PGGT1B: variants seen among roughly 807,000 people sequenced by gnomAD.
PGGT1B encodes the protein geranylgeranyl transferase type-1 subunit beta.
In PGGT1B, 30 loss-of-function variants were observed where a neutral mutation model predicts 46.1. That is an observed-to-expected ratio of 0.65 (90% CI 0.49 to 0.88). The LOEUF is 0.88. PGGT1B is among the 40% of genes least tolerant of loss of function. The probability of loss-of-function intolerance (pLI) is 0.00; values close to 1 mark genes in which losing one functional copy is unlikely to be tolerated. For synonymous variants in PGGT1B, 170 were observed against 160.0 expected (o/e 1.06, Z -0.47); for missense variants, 376 against 455.9 (o/e 0.82, Z 1.60).
In PGGT1B at chr5:115,207,286, T is replaced by A. The variant is rs1205621022; in HGVS notation, c.*5116A>T. The A allele has an allele frequency of 6.7e-6, 1 of 148,932 alleles. No individual in the cohort carries two copies. Among genetic ancestry groups the A allele is most frequent in the Admixed American group, 6.7e-5 (1 of 14,830 alleles). The allele number at this position is 148,932 out of a possible 1,614,324, so 9.2% of individuals were successfully genotyped here. A position where few individuals can be genotyped will look rare whatever the true frequency, so the allele number is the denominator to read the frequency against. On this transcript the variant is annotated 3_prime_UTR_variant, in exon 9 of 9. Transcript: ENST00000419445. ...GAAAAGTGCACAAATCATATACAGC[T>A]TGATAAATATTCATAAGGTGAATGC... is the stretch of plus-strand genomic sequence containing the variant.
At chr5:115,233,836 G>A (rs1209407213) in intron 5 of PGGT1B, among the ~76,000 whole-genome samples, 1 of 151,962 alleles carries the variant, frequency 6.6e-6, no homozygotes, top group Non-Finnish European at 1.5e-5. Context: ...CTCTTATATT[G>A]GTAGGAAAAC....
At chr5:115,235,573 A>C (rs561321763) in intron 5 of PGGT1B, among the ~76,000 whole-genome samples, 8 of 152,106 alleles carry the variant, frequency 5.3e-5, no homozygotes, top group Non-Finnish European at 8.8e-5. Flanking sequence ...AATACAGTGC[A>C]CTGAGAAGAC....
At chr5:115,236,790 T>C (rs1419583503) in intron 4 of PGGT1B, among the ~76,000 whole-genome samples, 2 of 152,180 alleles carry the variant, frequency 1.3e-5, no homozygotes, top group African/African-American at 4.8e-5. Flanking sequence ...CCCTCCTGGA[T>C]GCTTACTCAG....
intron 2 of PGGT1B, among the ~76,000 whole-genome samples, chr5:115,251,789 T>C (rs887624253): frequency 1.3e-5 from 2 of 152,034 alleles, no homozygotes; most frequent in Admixed American, 6.6e-5. Context: ...ATCTGTACCA[T>C]GTAAGATACA....
intron 3 of PGGT1B, among the ~76,000 whole-genome samples, chr5:115,240,893 T>C (rs1162794593): frequency 6.6e-6 from 1 of 152,194 alleles, no homozygotes; most frequent in Non-Finnish European, 1.5e-5. Flanking sequence ...TTGTATTTTG[T>C]GTACATATGG....
chr5:115,225,457 C>T (rs918032077), intron 6 of PGGT1B, among the ~76,000 whole-genome samples: 2 of 152,108 alleles, frequency 1.3e-5, no homozygotes, highest in African/African-American at 2.4e-5. Context: ...TTATTTTGCT[C>T]CCACAGGTTT....
rs183089501 is a variant in PGGT1B, at chr5:115,225,753, C to T, written c.659-3745G>A. ...CTCCGCCTCCTGGGTTCAAACAATT[C>T]TTGTGCCTCTGCCTCCCGAGTAGCT... On this transcript the variant is annotated intron_variant, in intron 6 of 8. Coordinates refer to ENST00000419445, the MANE Select transcript of PGGT1B (RefSeq NM_005023.4). Among the ~76,000 whole-genome samples the T allele has an allele frequency of 2.5e-4, 38 of 151,090 alleles. No homozygotes were observed. In the East Asian group the frequency reaches 6.7e-3, roughly 27 times the overall value.
intron 8 of PGGT1B, among the ~76,000 whole-genome samples, chr5:115,215,462 C>T (rs1036767991): frequency 6.6e-6 from 1 of 152,118 alleles, no homozygotes; most frequent in African/African-American, 2.4e-5. Flanking sequence ...CCACGCCTGG[C>T]TAATTATTGT....
At chr5:115,241,252 C>T (rs980251238) in intron 3 of PGGT1B, among the ~76,000 whole-genome samples, 6 of 152,130 alleles carry the variant, frequency 3.9e-5, no homozygotes, top group African/African-American at 1.4e-4. Flanking sequence ...CTTTTACACA[C>T]AGATGTATGA....
At chr5:115,222,504 G>A (rs1445465765) in intron 6 of PGGT1B, among the ~76,000 whole-genome samples, 1 of 152,148 alleles carries the variant, frequency 6.6e-6, no homozygotes, top group Non-Finnish European at 1.5e-5. Flanking sequence ...GTAGTTTACA[G>A]TCCCACCAAC....
In PGGT1B at chr5:115,210,004, A is replaced by G. The variant is rs1299402579; in HGVS notation, c.*2398T>C. 1 of 152,114 alleles carries G rather than the reference A, an allele frequency of 6.6e-6. No homozygotes were observed. Among genetic ancestry groups the G allele is most frequent in the Non-Finnish European group, 1.5e-5 (1 of 68,008 alleles). 9.4% of individuals were successfully genotyped at this position (152,114 alleles called of 1,614,324 possible). The stretch of plus-strand genomic sequence containing the variant: ...AGGTCCAACAGTTTTCAAATTATAT[A>G]CCACTGTCAGCAAGATTTCTATATG... On this transcript the variant is annotated 3_prime_UTR_variant, in exon 9 of 9. Coordinates refer to ENST00000419445, the MANE Select transcript of PGGT1B (RefSeq NM_005023.4).
intron 1 of PGGT1B, chr5:115,262,459 G>A: frequency 2.0e-6 from 1 of 511,866 alleles, no homozygotes; most frequent in Non-Finnish European, 3.5e-6. Flanking sequence ...AAGCAGCTCA[G>A]AGTTGCCAGA....
At position 115,242,921 on chromosome 5, in the gene PGGT1B, C is replaced by T. The variant is rs144972724; in HGVS notation, c.260-1315G>A. 6.9e-3 allele frequency among the ~76,000 whole-genome samples: 1,042 copies of T among 151,740 alleles called. 8 individuals are homozygous for T. The highest frequency in any genetic ancestry group is 0.017 in the Middle Eastern group (5 of 294). The stretch of plus-strand genomic sequence containing the variant: ...GGTGGAGGTTGCAATGAGCCAAAAT[C>T]GTGCCACTGCACTCCAGCCTGGGCG... On this transcript the variant is annotated intron_variant, in intron 2 of 8. Coordinates refer to ENST00000419445, the MANE Select transcript of PGGT1B (RefSeq NM_005023.4).
Position 115,212,218 on chromosome 5 carries a change from A to T in PGGT1B, c.*184T>A. The T allele has an allele frequency of 9.0e-7, 1 of 1,105,610 alleles. No homozygotes were observed. Among genetic ancestry groups the T allele is most frequent in the Non-Finnish European group, 1.2e-6 (1 of 812,024 alleles). 68.5% of individuals were successfully genotyped at this position (1,105,610 alleles called of 1,614,324 possible). Reference sequence around the variant, plus strand: ...CAAAGTTGTGGTTCAAACTTCAACAAAGATTTTCTTGAAACCCAGTATAAA... The same window carrying T: ...CAAAGTTGTGGTTCAAACTTCAACATAGATTTTCTTGAAACCCAGTATAAA... On this transcript the variant is annotated 3_prime_UTR_variant, in exon 9 of 9. Coordinates refer to ENST00000419445, the MANE Select transcript of PGGT1B (RefSeq NM_005023.4).
At chr5:115,244,369 G>T (rs995988196) in intron 2 of PGGT1B, among the ~76,000 whole-genome samples, 10 of 145,084 alleles carry the variant, frequency 6.9e-5, no homozygotes, top group Non-Finnish European at 4.5e-5. Flanking sequence ...GGAGGCTGAG[G>T]CAGGAAAATG....
rs750463827 is a variant in PGGT1B at position 115,216,845 on chromosome 5, T to C, written c.952+20A>G. The stretch of plus-strand genomic sequence containing the variant: ...ATTCAGGAAATAAAGGTTGTTCTGA[T>C]TCACAAAGAAAATAATTACCTGGAT... On this transcript the variant is annotated intron_variant, in intron 8 of 8. Transcript: ENST00000419445. 1 of 1,231,658 alleles carries C rather than the reference T, an allele frequency of 8.1e-7. No homozygotes were observed. The highest frequency in any genetic ancestry group is 1.2e-5 in the South Asian group (1 of 81,952). The allele number at this position is 1,231,658 out of a possible 1,614,324, so 76.3% of individuals were successfully genotyped here.
intron 1 of PGGT1B, chr5:115,262,479 A>G (rs1025708326): frequency 3.9e-6 from 2 of 515,904 alleles, no homozygotes; most frequent in Non-Finnish European, 3.5e-6. Flanking sequence ...AAGAAAAGGG[A>G]AGTGAAAAAG....
intron 5 of PGGT1B, 125 bp downstream of exon 5, chr5:115,236,265 C>T (rs532723996): frequency 4.3e-5 from 30 of 692,010 alleles, no homozygotes; most frequent in Middle Eastern, 4.0e-4. Context: ...CACAATTTAC[C>T]AAAAAGCAAT....
chr5:115,260,281 T>C (rs1402764316), intron 1 of PGGT1B, among the ~76,000 whole-genome samples: 1 of 152,184 alleles, frequency 6.6e-6, no homozygotes, highest in Non-Finnish European at 1.5e-5. Flanking sequence ...AGTCTAATAT[T>C]AGCCTTCTCA....
Sources: allele counts gnomAD v4.1 joint callset (sites outside exome capture counted in the v4.1 genomes callset), GRCh38; gene constraint gnomAD v4.1.1; transcripts MANE v1.5; gene names NCBI Gene and HGNC (gene_info 2026-07-23, HGNC 2026-07-21).